SPEF2: variants seen among roughly 807,000 people sequenced by gnomAD.
The protein encoded by SPEF2 is sperm flagellar and cilia associated 2, also known as sperm flagella and cilia-associated protein 2.
A neutral mutation model predicts 224.6 loss-of-function variants in SPEF2; 187 were observed. The observed-to-expected ratio is 0.83, with a 90% CI of 0.74 to 0.94. The LOEUF (loss-of-function observed/expected upper bound fraction) is 0.94. Among genes scored for constraint, SPEF2 ranks in the 40% least tolerant of loss-of-function variants. SPEF2 has a pLI of 0.00. For missense variants in SPEF2, 2,170 were observed against 2,135.6 expected (o/e 1.02, Z -0.32); for synonymous variants, 715 against 707.3 (o/e 1.01, Z -0.17).
intron 20 of SPEF2, among the ~76,000 whole-genome samples, chr5:35,718,409 G>T (rs1743006363): frequency 6.6e-6 from 1 of 152,086 alleles, no homozygotes; most frequent in African/African-American, 2.4e-5. Flanking sequence ...ATTTGAAAGG[G>T]ATACAGAGTG....
At chr5:35,666,064 T>C (rs1561160750) in intron 8 of SPEF2, among the ~76,000 whole-genome samples, 1 of 152,138 alleles carries the variant, frequency 6.6e-6, no homozygotes, top group Admixed American at 6.6e-5. Context: ...AACCTGACTT[T>C]GAGGAAATGG....
intron 2 of SPEF2, among the ~76,000 whole-genome samples, chr5:35,632,623 C>CT (rs1745294388): frequency 6.6e-6 from 1 of 151,994 alleles, no homozygotes; most frequent in Non-Finnish European, 1.5e-5. Context: ...GTTTAGTTTT[C>CT]TTTTTGTAGT....
chr5:35,625,859 C>G (rs1012686371), intron 1 of SPEF2, among the ~76,000 whole-genome samples: 4 of 146,282 alleles, frequency 2.7e-5, no homozygotes. Flanking sequence ...AGGTGGCACA[C>G]TTTTGCCCAT....
chr5:35,709,889 T>A, intron 19 of SPEF2: 4 of 985,432 alleles, frequency 4.1e-6, no homozygotes, highest in Non-Finnish European at 4.8e-6. Flanking sequence ...TGGCTGACTG[T>A]GCAGTTACAC....
intron 21 of SPEF2, among the ~76,000 whole-genome samples, chr5:35,739,391 TA>T (rs1377797603): frequency 6.6e-6 from 1 of 152,254 alleles, no homozygotes; most frequent in African/African-American, 2.4e-5. Context: ...AATAAACAGT[TA>T]TTTTTTTTAG....
At chr5:35,640,458 A>G (rs561150697) in intron 2 of SPEF2, among the ~76,000 whole-genome samples, 1 of 152,304 alleles carries the variant, frequency 6.6e-6, no homozygotes, top group East Asian at 1.9e-4. Flanking sequence ...ATCTTCTTTC[A>G]CAATCATATT....
At chr5:35,754,167 T>C (rs1750101704) in intron 24 of SPEF2, among the ~76,000 whole-genome samples, 1 of 152,182 alleles carries the variant, frequency 6.6e-6, no homozygotes, top group Non-Finnish European at 1.5e-5. Context: ...ATTTGATTCC[T>C]GAAAATAAAA....
At chr5:35,763,034 A>C (rs1433019972) in intron 25 of SPEF2, among the ~76,000 whole-genome samples, 7 of 152,062 alleles carry the variant, frequency 4.6e-5, no homozygotes. Flanking sequence ...GTCAGAGGAG[A>C]TCAGGTGTGT....
At chr5:35,763,267 T>C (rs1751592538) in intron 25 of SPEF2, among the ~76,000 whole-genome samples, 1 of 152,208 alleles carries the variant, frequency 6.6e-6, no homozygotes. Context: ...GCTTTATAAT[T>C]ACTGAGAATT....
At chr5:35,682,878 A>G (rs1561189869) in intron 10 of SPEF2, among the ~76,000 whole-genome samples, 1 of 152,176 alleles carries the variant, frequency 6.6e-6, no homozygotes, top group Non-Finnish European at 1.5e-5. Flanking sequence ...TGGTTTTTAC[A>G]GGGGTAATCG....
intron 33 of SPEF2, 122 bp from the exon 34 acceptor site, chr5:35,799,846 A>T: frequency 2.0e-6 from 2 of 975,920 alleles, no homozygotes; most frequent in Non-Finnish European, 3.1e-6. Context: ...TGTTAGCTTT[A>T]CTAATTCAAT....
At chr5:35,804,656 A>T (rs1339428450) in intron 34 of SPEF2, among the ~76,000 whole-genome samples, 1 of 152,212 alleles carries the variant, frequency 6.6e-6, no homozygotes, top group East Asian at 1.9e-4. Context: ...TCTGACACTA[A>T]TAAGTTAAGG....
intron 2 of SPEF2, among the ~76,000 whole-genome samples, chr5:35,639,386 T>TA (rs1746283579): frequency 1.3e-5 from 2 of 152,186 alleles, no homozygotes; most frequent in Non-Finnish European, 2.9e-5. Context: ...TTTATGGGCA[T>TA]AACCTTTGTA....
intron 20 of SPEF2, among the ~76,000 whole-genome samples, chr5:35,722,957 G>A (rs1744007231): frequency 2.0e-5 from 3 of 152,014 alleles, no homozygotes; most frequent in African/African-American, 7.3e-5. Context: ...TCTGCCCACA[G>A]CCATCAAAAT....
At chr5:35,771,487 A>G (rs1752851161) in intron 26 of SPEF2, 122 bp from the exon 27 acceptor site, 1 of 1,256,866 alleles carries the variant, frequency 8.0e-7, no homozygotes, top group South Asian at 1.8e-5. Flanking sequence ...AAGTTCGAGT[A>G]CGTGGGCACA....
intron 32 of SPEF2, 136 bp from the exon 33 acceptor site, chr5:35,795,567 A>G (rs1756553774): frequency 1.7e-6 from 1 of 604,486 alleles, no homozygotes; most frequent in South Asian, 2.3e-5. Context: ...ATTTTCTCCT[A>G]CACCCCTGTG....
At chr5:35,706,279 C>T (rs1739747465) in intron 18 of SPEF2, among the ~76,000 whole-genome samples, 1 of 151,794 alleles carries the variant, frequency 6.6e-6, no homozygotes, top group Non-Finnish European at 1.5e-5. Flanking sequence ...TTTTTTCTCA[C>T]ATCCACCTAT....
intron 18 of SPEF2, 30 bp downstream of exon 18, chr5:35,705,838 T>C: frequency 7.4e-7 from 1 of 1,358,992 alleles, no homozygotes; most frequent in Admixed American, 2.5e-5. Flanking sequence ...GTTTTGAGTT[T>C]AGGCAACTAA....
chr5:35,626,049 G>A (rs534375787), intron 1 of SPEF2, among the ~76,000 whole-genome samples: 1 of 152,314 alleles, frequency 6.6e-6, no homozygotes, highest in Admixed American at 6.5e-5. Flanking sequence ...GAAAAAATCA[G>A]TGCCTAGGTT....
Sources: gnomAD v4.1 joint callset for allele counts (sites outside exome capture counted in the v4.1 genomes callset) on GRCh38, gnomAD v4.1.1 for gene constraint, MANE v1.5 for transcripts, NCBI Gene and HGNC (gene_info 2026-07-23, HGNC 2026-07-21) for gene names.